The following HADHA variants were observed in gnomAD, a reference collection of about 807,000 sequenced individuals.
HADHA encodes hydroxyacyl-CoA dehydrogenase trifunctional multienzyme complex subunit alpha, also known as trifunctional enzyme subunit alpha, mitochondrial.
A neutral mutation model predicts 91.3 loss-of-function variants in HADHA; 59 were observed. The ratio of observed to expected loss-of-function variants is 0.65; its 90% confidence interval spans 0.52 to 0.80. The LOEUF (loss-of-function observed/expected upper bound fraction) is 0.80. Ranked by LOEUF, HADHA falls within the 30% of genes least tolerant of loss-of-function variation. The probability of loss-of-function intolerance (pLI) is 0.00; values close to 1 mark genes in which losing one functional copy is unlikely to be tolerated. For missense variants in HADHA, 800 were observed against 927.6 expected, an observed-to-expected ratio of 0.86 and a Z score of 1.79; for synonymous variants, 320 against 338.9, an observed-to-expected ratio of 0.94 and a Z score of 0.61.
intron 7 of HADHA, among the ~76,000 whole-genome samples, chr2:26,217,660 G>A (rs1670272131): frequency 6.6e-6 from 1 of 152,178 alleles, no homozygotes; most frequent in Non-Finnish European, 1.5e-5. Flanking sequence ...CAGTGCTTTG[G>A]GAGGCTGAGG....
Position 26,244,601 on chromosome 2 carries a change from A to G in HADHA, c.-5T>C. On this transcript the variant is annotated 5_prime_UTR_variant, in exon 1 of 20. Transcript: ENST00000380649. ...AATCGCCCGGCAGGCCACCATCTTG[A>G]GCTGAAGAGGACAGCAGTGGAGAGC... 1.3e-6 allele frequency: 2 copies of G among 1,577,096 alleles called. No homozygotes were observed. The highest frequency in any genetic ancestry group is 1.7e-6 in the Non-Finnish European group (2 of 1,160,820).
At chr2:26,220,226 G>A (rs1399709708) in intron 7 of HADHA, among the ~76,000 whole-genome samples, 1 of 152,202 alleles carries the variant, frequency 6.6e-6, no homozygotes, top group African/African-American at 2.4e-5. Context: ...GGCCTAGCAG[G>A]TCCCTGAGCC....
At chr2:26,194,701 A>G in intron 15 of HADHA, 63 bp from the exon 16 acceptor site, 8 of 1,042,870 alleles carry the variant, frequency 7.7e-6, no homozygotes, top group Middle Eastern at 2.9e-4. Context: ...GAAACACTCT[A>G]CCTTTCCCAG....
rs145182116 is a variant in HADHA at position 26,204,224 on chromosome 2, G to A, written c.1086-28C>T. The A allele has an allele frequency of 2.1e-5, 33 of 1,609,442 alleles. No homozygotes were observed. In the Middle Eastern group the frequency reaches 5.0e-4, roughly 24 times the overall value. ...GCAAGGCAAGGATGAAATGACTTTC[G>A]GTAAACTGATCTTAATCATTTCAGT... is the stretch of plus-strand genomic sequence containing the variant. On this transcript the variant is annotated intron_variant, in intron 11 of 19. Coordinates refer to ENST00000380649, the MANE Select transcript of HADHA (RefSeq NM_000182.5).
At chr2:26,209,254 T>C (rs953174210) in intron 11 of HADHA, among the ~76,000 whole-genome samples, 27 of 152,264 alleles carry the variant, frequency 1.8e-4, no homozygotes, top group African/African-American at 6.5e-4. Context: ...GTTGCATCAT[T>C]AAACATAGAC....
chr2:26,191,890 G>C (rs1435437232), intron 18 of HADHA, among the ~76,000 whole-genome samples: 2 of 152,216 alleles, frequency 1.3e-5, no homozygotes, highest in Admixed American at 6.5e-5. Flanking sequence ...TTTGACATCA[G>C]CAACAGTCAG....
At chr2:26,198,785 A>G (rs1669751099) in intron 13 of HADHA, among the ~76,000 whole-genome samples, 3 of 152,188 alleles carry the variant, frequency 2.0e-5, no homozygotes. Context: ...ATGGTGGCTA[A>G]ACAACTATAA....
At chr2:26,191,801 T>C (rs994726642) in intron 18 of HADHA, among the ~76,000 whole-genome samples, 173 bp from the exon 19 acceptor site, 10 of 152,068 alleles carry the variant, frequency 6.6e-5, no homozygotes, top group African/African-American at 2.4e-4. Context: ...ATGGAAAAAG[T>C]GGAGAGTAAC....
intron 12 of HADHA, among the ~76,000 whole-genome samples, chr2:26,201,690 A>G (rs1376887953): frequency 2.0e-5 from 3 of 152,212 alleles, no homozygotes; most frequent in Non-Finnish European, 4.4e-5. Flanking sequence ...GTAATTCTCT[A>G]CCTATGACAG....
chr2:26,192,578 G>A (rs1669540916), intron 17 of HADHA, among the ~76,000 whole-genome samples, 154 bp from the exon 18 acceptor site: 1 of 152,092 alleles, frequency 6.6e-6, no homozygotes, highest in South Asian at 2.1e-4. Context: ...TTGAGGTCAG[G>A]AGTTTGAGAC....
At chr2:26,195,600 G>A (rs1359318636) in intron 14 of HADHA, among the ~76,000 whole-genome samples, 2 of 151,534 alleles carry the variant, frequency 1.3e-5, no homozygotes, top group Non-Finnish European at 2.9e-5. Flanking sequence ...TTTTTTGGGC[G>A]GGGGTGGGGC....
Position 26,214,912 on chromosome 2 carries a change from T to C in HADHA, c.799+141A>G, listed in dbSNP as rs1670181268. The stretch of plus-strand genomic sequence containing the variant: ...AACTGGATAGTGTAAAGTTGAGGAG[T>C]TGTTACATCTCCTACCTAAGGCTGA... On this transcript the variant is annotated intron_variant, in intron 8 of 19. Coordinates refer to ENST00000380649, the MANE Select transcript of HADHA (RefSeq NM_000182.5). The surrounding 1 kb of genome is among the most constrained non-coding windows in gnomAD (Gnocchi z 4.1). The C allele has an allele frequency of 7.1e-6, 6 of 841,352 alleles. No individual in the cohort carries two copies. The highest frequency in any genetic ancestry group is 1.7e-5 in the African/African-American group (1 of 60,196). 52.1% of individuals were successfully genotyped at this position (841,352 alleles called of 1,614,324 possible). A position where few individuals can be genotyped will look rare whatever the true frequency, so the allele number is the denominator to read the frequency against.
At chr2:26,196,179 G>T (rs1669667648) in intron 14 of HADHA, among the ~76,000 whole-genome samples, 1 of 152,130 alleles carries the variant, frequency 6.6e-6, no homozygotes, top group South Asian at 2.1e-4. Context: ...CAAGAGGTTA[G>T]TAGTACAGAG....
chr2:26,208,727 G>C (rs1670025033), intron 11 of HADHA, among the ~76,000 whole-genome samples: 1 of 152,166 alleles, frequency 6.6e-6, no homozygotes, highest in Non-Finnish European at 1.5e-5. Flanking sequence ...CAACATGGAA[G>C]TAATTTACCC....
In HADHA at chr2:26,191,324, A is replaced by T. The variant is rs1669490883; in HGVS notation, c.2218T>A (p.Tyr740Asn). 1 of 1,613,896 alleles carries T rather than the reference A, an allele frequency of 6.2e-7. No individual in the cohort carries two copies. Among genetic ancestry groups the T allele is most frequent in the Non-Finnish European group, 8.5e-7 (1 of 1,180,030 alleles). Residue 740 changes from tyrosine (Y) to asparagine (N), a missense_variant, in exon 20 of 20, where the codon TAT becomes AAT. By Grantham distance (143) the Tyr-to-Asn change is moderately radical. Transcript: ENST00000380649. The stretch of plus-strand genomic sequence containing the variant: ...TGGCATGGGGTGAACTGTTTTCCAT[A>T]GGCAGCTTCATATTTCTTGAGCCGG... The part of the protein sequence containing the change: ...VDRLKKYEAA[Y>N]GKQFTPCQLL...
intron 1 of HADHA, among the ~76,000 whole-genome samples, chr2:26,240,348 C>T (rs1424026967): frequency 6.6e-6 from 1 of 152,080 alleles, no homozygotes; most frequent in African/African-American, 2.4e-5. Context: ...CTTGGTGGAG[C>T]TTACATTCCA....
At chr2:26,236,235 TGACA>T (rs934358188) in intron 4 of HADHA, among the ~76,000 whole-genome samples, 1 of 152,074 alleles carries the variant, frequency 6.6e-6, no homozygotes, top group Non-Finnish European at 1.5e-5. Flanking sequence ...TCCTACTGAC[TGACA>T]TTTGGTTTTA....
chr2:26,224,782 T>C (rs1670449332), intron 7 of HADHA, among the ~76,000 whole-genome samples: 1 of 152,222 alleles, frequency 6.6e-6, no homozygotes, highest in Admixed American at 6.5e-5. Flanking sequence ...TCTTCAGATA[T>C]GTTAACTTGG....
At position 26,190,849 on chromosome 2, in the gene HADHA, T is replaced by C. The variant is rs139153187; in HGVS notation, c.*401A>G. On this transcript the variant is annotated 3_prime_UTR_variant, in exon 20 of 20. Coordinates refer to ENST00000380649, the MANE Select transcript of HADHA (RefSeq NM_000182.5). ...CCAGATTGCTTTTTGAAGGAGGCGT[T>C]TAAACCAGAAGGGCAAAGATGCTGA... 126 of 297,578 alleles carry C rather than the reference T, an allele frequency of 4.2e-4. No individual in the cohort carries two copies. The highest frequency in any genetic ancestry group is 2.6e-3 in the African/African-American group (120 of 46,422). 18.4% of individuals were successfully genotyped at this position (297,578 alleles called of 1,614,324 possible).
Sources: gnomAD v4.1 joint callset for allele counts (sites outside exome capture counted in the v4.1 genomes callset) on GRCh38, gnomAD v4.1.1 for gene constraint, Gnocchi (gnomAD v3.1) non-coding constraint, MANE v1.5 for transcripts, NCBI Gene and HGNC (gene_info 2026-07-23, HGNC 2026-07-21) for gene names.